NREP: variants seen among roughly 807,000 people sequenced by gnomAD.
NREP encodes neuronal regeneration related protein.
In NREP, 5 loss-of-function variants were observed where a neutral mutation model predicts 8.6. The observed-to-expected ratio is 0.58, with a 90% CI of 0.30 to 1.22. The LOEUF is 1.22. Ranked by LOEUF, NREP falls within the 50% of genes most tolerant of loss-of-function variation. The pLI is 0.07. For synonymous variants in NREP, 27 were observed against 28.0 expected (o/e 0.96, Z 0.11); for missense variants, 86 against 82.5 (o/e 1.04, Z -0.17).
At position 111,789,467 on chromosome 5, in the gene NREP, T is replaced by G. The variant is rs188199420; in HGVS notation, c.136-53960A>C. 1.4e-3 allele frequency among the ~76,000 whole-genome samples: 212 copies of G among 152,362 alleles called. 2 individuals are homozygous for G. The South Asian group carries it at 0.02, about 14-fold the overall frequency. ...CAGAATAAAAATTATTAGTGCCGCA[T>G]GTACATTTTATGATAGACTTATCTT... On this transcript the variant is annotated intron_variant, in intron 2 of 3. Coordinates refer to the NREP transcript ENST00000395634.
chr5:111,916,787 G>A lies in NREP; in HGVS notation c.135+58487C>T, dbSNP rs145227064. Among the ~76,000 whole-genome samples the A allele has an allele frequency of 4.0e-3, 604 of 152,178 alleles. 4 individuals carry two copies. The highest frequency in any genetic ancestry group is 5.8e-3 in the Non-Finnish European group (396 of 67,990). On this transcript the variant is annotated intron_variant, in intron 2 of 3. Coordinates refer to the NREP transcript ENST00000395634. ...AAAGTGCTTAGAATCAACTGTTAGG[G>A]GTTGTGACAAATATCTGAATTACTG... is the stretch of plus-strand genomic sequence containing the variant.
At chr5:111,850,665 C>G (rs1753286126) in intron 2 of NREP, among the ~76,000 whole-genome samples, 1 of 152,126 alleles carries the variant, frequency 6.6e-6, no homozygotes, top group South Asian at 2.1e-4. Flanking sequence ...TTATTGTTGC[C>G]AGTTTTCAAT....
chr5:111,919,807 C>T (rs1353591342), intron 2 of NREP, among the ~76,000 whole-genome samples: 1 of 150,652 alleles, frequency 6.6e-6, no homozygotes, highest in Non-Finnish European at 1.5e-5. Flanking sequence ...ACCACCATGG[C>T]ATGTGTATAC....
chr5:111,787,534 C>A (rs1307418773), intron 2 of NREP, among the ~76,000 whole-genome samples: 1 of 151,172 alleles, frequency 6.6e-6, no homozygotes, highest in African/African-American at 2.4e-5. Context: ...ATATTCATAA[C>A]TGACACTCAT....
chr5:111,813,453 C>A (rs1471209882), intron 2 of NREP, among the ~76,000 whole-genome samples: 1 of 152,030 alleles, frequency 6.6e-6, no homozygotes, highest in African/African-American at 2.4e-5. Context: ...ATATTCTAAC[C>A]TGTCTTATAT....
At chr5:111,853,376 A>G (rs1225529282) in intron 2 of NREP, among the ~76,000 whole-genome samples, 4 of 151,720 alleles carry the variant, frequency 2.6e-5, no homozygotes, top group African/African-American at 9.7e-5. Flanking sequence ...GTGAACCCTA[A>G]TGTAAACTAT....
chr5:111,777,818 C>G (rs1303289976), intron 2 of NREP, among the ~76,000 whole-genome samples: 1 of 151,980 alleles, frequency 6.6e-6, no homozygotes, highest in Non-Finnish European at 1.5e-5. Context: ...TAAAGTATGG[C>G]CAGGTCCCAA....
At chr5:111,925,508 G>C (rs759240198) in intron 2 of NREP, among the ~76,000 whole-genome samples, 1 of 152,118 alleles carries the variant, frequency 6.6e-6, no homozygotes, top group East Asian at 1.9e-4. Flanking sequence ...GTAAAAGACC[G>C]AGGTGGCTAC....
chr5:111,839,345 G>A (rs548726630), intron 2 of NREP, among the ~76,000 whole-genome samples: 9 of 152,252 alleles, frequency 5.9e-5, no homozygotes, highest in Non-Finnish European at 8.8e-5. Context: ...AGGTGGTGAT[G>A]TGGATGGTTC....
At chr5:111,802,355 T>G (rs945716066) in intron 2 of NREP, among the ~76,000 whole-genome samples, 1 of 152,126 alleles carries the variant, frequency 6.6e-6, no homozygotes, top group Non-Finnish European at 1.5e-5. Flanking sequence ...AGGTGAATGA[T>G]TGGGCAGATG....
At chr5:111,909,468 T>C (rs1318303276) in intron 2 of NREP, among the ~76,000 whole-genome samples, 4 of 152,072 alleles carry the variant, frequency 2.6e-5, no homozygotes, top group Admixed American at 2.6e-4. Context: ...TTATTAATAG[T>C]ATATGTTAAA....
intron 2 of NREP, among the ~76,000 whole-genome samples, chr5:111,844,657 ATT>A (rs1491456913): frequency 1.4e-5 from 2 of 145,334 alleles, no homozygotes; most frequent in South Asian, 2.1e-4. Context: ...TAATATATAT[ATT>A]ATATATATTA....
intron 2 of NREP, among the ~76,000 whole-genome samples, chr5:111,786,465 G>A (rs905107470): frequency 1.1e-4 from 17 of 152,308 alleles, no homozygotes; most frequent in African/African-American, 3.8e-4. Flanking sequence ...CCTCCAGAAA[G>A]ATGTCCAAAA....
intron 2 of NREP, among the ~76,000 whole-genome samples, chr5:111,894,303 G>A (rs1754458993): frequency 6.6e-6 from 1 of 152,046 alleles, no homozygotes; most frequent in Admixed American, 6.5e-5. Context: ...GGGTATTGAA[G>A]AGAATCAATT....
upstream of NREP, among the ~76,000 whole-genome samples, chr5:111,758,489 CAAAT>C (rs1219787546): frequency 3.9e-5 from 6 of 152,290 alleles, no homozygotes; most frequent in Middle Eastern, 3.4e-3. Context: ...GCAACAAACT[CAAAT>C]AAACTGGTTC....
chr5:111,849,596 T>C (rs1269482078), intron 2 of NREP, among the ~76,000 whole-genome samples: 1 of 152,118 alleles, frequency 6.6e-6, no homozygotes, highest in East Asian at 1.9e-4. Flanking sequence ...ATAGGCTTTT[T>C]TAGTAGCCAA....
intron 2 of NREP, among the ~76,000 whole-genome samples, chr5:111,935,518 C>T (rs1755658704): frequency 6.6e-6 from 1 of 152,088 alleles, no homozygotes; most frequent in Non-Finnish European, 1.5e-5. Context: ...ACTTACTACA[C>T]AGGTACTTTG....
chr5:111,844,165 GA>G (rs1457636574), intron 2 of NREP, among the ~76,000 whole-genome samples: 6 of 151,860 alleles, frequency 4.0e-5, no homozygotes, highest in African/African-American at 1.2e-4. Flanking sequence ...GTTATAAAGT[GA>G]AAAAAGAATG....
At chr5:111,945,529 A>C (rs1755953444) in intron 2 of NREP, among the ~76,000 whole-genome samples, 1 of 7,144 alleles carries the variant, frequency 1.4e-4, no homozygotes, top group African/African-American at 2.2e-4. Flanking sequence ...AAAAGGAAAA[A>C]GAAGAAAAAA....
Sources: allele counts gnomAD v4.1 joint callset (sites outside exome capture counted in the v4.1 genomes callset), GRCh38; gene constraint gnomAD v4.1.1; transcripts MANE v1.5; gene names NCBI Gene and HGNC (gene_info 2026-07-23, HGNC 2026-07-21).